Variants in FSTL5 observed in about 807,000 individuals in gnomAD.
FSTL5 encodes the protein follistatin-related protein 5.
In FSTL5, 62 loss-of-function variants were observed where a neutral mutation model predicts 89.1. The ratio of observed to expected loss-of-function variants is 0.70; its 90% confidence interval spans 0.57 to 0.86. FSTL5 has a LOEUF of 0.86. FSTL5 is among the 40% of genes least tolerant of loss of function. The probability of loss-of-function intolerance (pLI) is 0.00; values close to 1 mark genes in which losing one functional copy is unlikely to be tolerated. For synonymous variants in FSTL5, 383 were observed against 346.2 expected, an observed-to-expected ratio of 1.11 and a Z score of -1.18; for missense variants, 1,057 against 1,001.6, an observed-to-expected ratio of 1.06 and a Z score of -0.75.
At chr4:161,677,751 A>C (rs765484446) in intron 6 of FSTL5, among the ~76,000 whole-genome samples, 3 of 151,904 alleles carry the variant, frequency 2.0e-5, no homozygotes, top group Non-Finnish European at 4.4e-5. Flanking sequence ...TCAAGTATAT[A>C]ATATATTGTT....
rs777146469 is a variant in FSTL5 at position 161,803,695 on chromosome 4, T to G, written c.410-27621A>C. On this transcript the variant is annotated intron_variant, in intron 4 of 15. Transcript: ENST00000306100. ...AGATGTTTTTCTATATGTAAAGATA[T>G]TGACCAAAAATTTATGTAAAAATTG... Among the ~76,000 whole-genome samples the G allele has an allele frequency of 6.8e-4, 104 of 151,994 alleles. 1 individual carries two copies. Among genetic ancestry groups the G allele is most frequent in the South Asian group, 2.9e-3 (14 of 4,822 alleles).
At chr4:161,809,988 T>A (rs1477145429) in intron 4 of FSTL5, among the ~76,000 whole-genome samples, 7 of 152,282 alleles carry the variant, frequency 4.6e-5, no homozygotes, top group Admixed American at 2.6e-4. Context: ...GGAGTCAGGA[T>A]ATCATGGTTT....
intron 7 of FSTL5, among the ~76,000 whole-genome samples, chr4:161,612,418 A>G (rs1734685502): frequency 6.6e-6 from 1 of 152,218 alleles, no homozygotes; most frequent in Non-Finnish European, 1.5e-5. Context: ...GGTCTAGAAA[A>G]GTCAGATTTC....
chr4:161,814,001 A>C (rs1730247778), intron 4 of FSTL5, among the ~76,000 whole-genome samples: 1 of 152,160 alleles, frequency 6.6e-6, no homozygotes, highest in Non-Finnish European at 1.5e-5. Context: ...AAAGATGAAA[A>C]AAATCAGTAA....
chr4:161,504,438 G>A (rs1324245480), intron 11 of FSTL5, among the ~76,000 whole-genome samples: 1 of 151,402 alleles, frequency 6.6e-6, no homozygotes, highest in Admixed American at 6.6e-5. Flanking sequence ...CTCTAGACAT[G>A]GTAAAGATCG....
chr4:161,706,434 T>A (rs148635238), intron 6 of FSTL5, among the ~76,000 whole-genome samples: 11 of 152,132 alleles, frequency 7.2e-5, no homozygotes, highest in African/African-American at 2.6e-4. Context: ...AGAGTTTATA[T>A]ATAAAAACGT....
intron 2 of FSTL5, among the ~76,000 whole-genome samples, chr4:162,053,992 A>G (rs1413806151): frequency 6.6e-6 from 1 of 151,722 alleles, no homozygotes; most frequent in East Asian, 1.9e-4. Flanking sequence ...AGGTAATAAA[A>G]CCCAAAGTAA....
intron 3 of FSTL5, among the ~76,000 whole-genome samples, chr4:161,951,011 C>A (rs1206656931): frequency 6.6e-6 from 1 of 151,952 alleles, no homozygotes; most frequent in African/African-American, 2.4e-5. Flanking sequence ...GTGGAAGGGA[C>A]CCAGTGGGAG....
intron 4 of FSTL5, among the ~76,000 whole-genome samples, chr4:161,891,896 C>T (rs1733000030): frequency 6.6e-6 from 1 of 152,034 alleles, no homozygotes; most frequent in African/African-American, 2.4e-5. Context: ...ACATCCTACT[C>T]ATTTTCTTCA....
In FSTL5 at chr4:161,824,531, T is replaced by C. The variant is rs566802728; in HGVS notation, c.410-48457A>G. Among the ~76,000 whole-genome samples, 7 of 152,288 alleles carry C rather than the reference T, an allele frequency of 4.6e-5. No individual in the cohort carries two copies. The South Asian group carries it at 1.5e-3, about 32-fold the overall frequency. The stretch of plus-strand genomic sequence containing the variant: ...GTTTCATATAAATTTTAGGATTGTT[T>C]GGTTATTTTCACAATATTGATTCTA... On this transcript the variant is annotated intron_variant, in intron 4 of 15. Coordinates refer to ENST00000306100, the MANE Select transcript of FSTL5 (RefSeq NM_020116.5).
At chr4:161,698,911 C>G (rs1274916268) in intron 6 of FSTL5, among the ~76,000 whole-genome samples, 1 of 152,088 alleles carries the variant, frequency 6.6e-6, no homozygotes, top group Non-Finnish European at 1.5e-5. Context: ...GATCATGCCA[C>G]TGCACTCCAG....
chr4:161,455,816 A>G (rs1318051970), intron 14 of FSTL5, among the ~76,000 whole-genome samples: 1 of 152,134 alleles, frequency 6.6e-6, no homozygotes, highest in Non-Finnish European at 1.5e-5. Context: ...TTCCTACTGC[A>G]CAACCATTGT....
intron 6 of FSTL5, among the ~76,000 whole-genome samples, chr4:161,697,069 G>A (rs1321293139): frequency 6.6e-6 from 1 of 152,166 alleles, no homozygotes; most frequent in African/African-American, 2.4e-5. Context: ...GCCTCTGCAA[G>A]AGCAAACAAA....
intron 15 of FSTL5, among the ~76,000 whole-genome samples, chr4:161,404,646 T>C (rs1380622121): frequency 2.6e-5 from 4 of 151,696 alleles, no homozygotes; most frequent in South Asian, 2.1e-4. Context: ...GAAACTAAGA[T>C]TTAAATGACA....
intron 2 of FSTL5, among the ~76,000 whole-genome samples, chr4:162,107,096 A>G (rs1013099045): frequency 6.6e-6 from 1 of 152,222 alleles, no homozygotes; most frequent in African/African-American, 2.4e-5. Context: ...ATGTAAGCCT[A>G]TGTTACTATC....
At chr4:162,033,477 G>A in intron 3 of FSTL5, 148 bp downstream of exon 3, 1 of 537,942 alleles carries the variant, frequency 1.9e-6, no homozygotes, top group Non-Finnish European at 3.3e-6. Context: ...ATCCTCATAG[G>A]GCTCAAAATG....
chr4:161,706,569 A>C (rs911972701), intron 6 of FSTL5, among the ~76,000 whole-genome samples: 4 of 152,142 alleles, frequency 2.6e-5, no homozygotes, highest in Admixed American at 6.6e-5. Context: ...AAGGAAAATT[A>C]GTGAAAGCTG....
chr4:161,569,786 CA>C (rs61488582), intron 8 of FSTL5, among the ~76,000 whole-genome samples: 1 of 151,336 alleles, frequency 6.6e-6, no homozygotes, highest in East Asian at 1.9e-4. Flanking sequence ...CACACACACA[CA>C]CACACACACA....
intron 7 of FSTL5, among the ~76,000 whole-genome samples, chr4:161,652,702 A>G (rs1736383788): frequency 6.6e-6 from 1 of 152,134 alleles, no homozygotes; most frequent in African/African-American, 2.4e-5. Flanking sequence ...TACAAAAATG[A>G]AGGGCAGTTA....
Sources: allele counts gnomAD v4.1 joint callset (sites outside exome capture counted in the v4.1 genomes callset), GRCh38; gene constraint gnomAD v4.1.1; transcripts MANE v1.5; gene names NCBI Gene and HGNC (gene_info 2026-07-23, HGNC 2026-07-21).